The following BCAT2 variants were observed in gnomAD, a reference collection of about 807,000 sequenced individuals.
BCAT2 encodes the protein branched chain amino acid transaminase 2, also known as branched-chain-amino-acid aminotransferase, mitochondrial.
In BCAT2, 44 loss-of-function variants were observed where a neutral mutation model predicts 52.9. That is an observed-to-expected ratio of 0.83 (90% CI 0.65 to 1.07). The LOEUF (loss-of-function observed/expected upper bound fraction) is 1.07. Ranked by LOEUF, BCAT2 falls within the 50% of genes least tolerant of loss-of-function variation. The pLI is 0.00. For missense variants in BCAT2, 478 were observed against 521.8 expected, an observed-to-expected ratio of 0.92 and a Z score of 0.82; for synonymous variants, 215 against 217.1, an observed-to-expected ratio of 0.99 and a Z score of 0.08.
intron 6 of BCAT2, 183 bp from the exon 7 acceptor site, chr19:48,797,516 C>T (rs2034554276): frequency 3.1e-6 from 2 of 655,590 alleles, no homozygotes; most frequent in South Asian, 3.9e-5. Flanking sequence ...ATGGTTATGT[C>T]CCCTCTCTCC....
In BCAT2 at chr19:48,796,634, CAA is replaced by C. The variant is rs774167975; in HGVS notation, c.1007_1008del (p.Phe336TrpfsTer31). Reference sequence around the variant, plus strand: ...CAGACCTGGCAAGCGGTGCCCGAGCCAAAGACTTCCCGCACGCGGCCCTCCTC... The same window carrying C: ...CAGACCTGGCAAGCGGTGCCCGAGCCAGACTTCCCGCACGCGGCCCTCCTC... ...ALEEGRVREVFGSGTACQVCP... is the reference protein window; with the variant it reads ...ALEEGRVREVXGSGTACQVCP... On this transcript the variant is annotated frameshift_variant, in exon 9 of 11. Transcript: ENST00000316273. LOFTEE classifies it high-confidence loss of function. 3 of 1,613,820 alleles carry C rather than the reference CAA, an allele frequency of 1.9e-6. No homozygotes were observed. Among genetic ancestry groups the C allele is most frequent in the Non-Finnish European group, 2.5e-6 (3 of 1,180,030 alleles).
chr19:48,800,280 C>T lies in BCAT2; in HGVS notation c.318G>A (p.Lys106=). The part of the protein sequence containing the change: ...HYSLQLFEGM[K]AFKGKDQQVR... Reference sequence around the variant, plus strand: ...CCTGCTGGTCTTTGCCTTTGAACGCCTTCATGCCCTCAAACAGCTGCGGGG... The same window carrying T: ...CCTGCTGGTCTTTGCCTTTGAACGCTTTCATGCCCTCAAACAGCTGCGGGG... The change falls in exon 4 of 11, where the codon AAG becomes AAA. Residue 106 remains lysine (K), a synonymous_variant. Coordinates refer to ENST00000316273, the MANE Select transcript of BCAT2 (RefSeq NM_001190.4). The T allele has an allele frequency of 6.2e-7, 1 of 1,613,692 alleles. No homozygotes were observed. The highest frequency in any genetic ancestry group is 8.5e-7 in the Non-Finnish European group (1 of 1,180,024).
chr19:48,797,263 A>C lies in BCAT2; in HGVS notation c.766T>G (p.Tyr256Asp). 2 of 1,614,048 alleles carry C rather than the reference A, an allele frequency of 1.2e-6. No homozygotes were observed. Among genetic ancestry groups the C allele is most frequent in the Non-Finnish European group, 1.7e-6 (2 of 1,179,978 alleles). Residue 256 changes from tyrosine (Y) to aspartate (D), a missense_variant, in exon 7 of 11, where the codon TAT (tyrosine) becomes GAT (aspartate). Transcript: ENST00000316273. ...KRGCEQVLWL[Y>D]GPDHQLTEVG... ...TCGGTGAGCTGGTGGTCGGGCCCAT[A>C]CAGCCAGAGGACCTGTTCACAGCCC... is the stretch of plus-strand genomic sequence containing the variant.
intron 3 of BCAT2, among the ~76,000 whole-genome samples, chr19:48,805,251 T>C (rs1008445975): frequency 4.6e-5 from 7 of 152,068 alleles, no homozygotes; most frequent in Admixed American, 1.3e-4. Context: ...AACTTCACAG[T>C]ATCTCAGGCT....
chr19:48,796,386 G>A lies in BCAT2; in HGVS notation c.1140+42C>T, dbSNP rs768790201. ...GCTCATGGGACACCAACTTCTCCAG[G>A]GAACAAGCTCCCAGCCCATTCCCCA... is the stretch of plus-strand genomic sequence containing the variant. On this transcript the variant is annotated intron_variant, in intron 10 of 10. Transcript: ENST00000316273. The A allele has an allele frequency of 7.4e-6, 12 of 1,612,356 alleles. No individual in the cohort carries two copies. The Admixed American group carries it at 1.8e-4, about 25-fold the overall frequency.
chr19:48,802,919 C>G (rs958226041), intron 3 of BCAT2, among the ~76,000 whole-genome samples: 8 of 152,160 alleles, frequency 5.3e-5, no homozygotes, highest in African/African-American at 1.9e-4. Flanking sequence ...TTTCCAGGCC[C>G]AGTATGATGG....
chr19:48,803,333 A>G (rs1376761137), intron 3 of BCAT2, among the ~76,000 whole-genome samples: 1 of 152,126 alleles, frequency 6.6e-6, no homozygotes. Flanking sequence ...ACCCTGGGCA[A>G]CATAACAAGA....
chr19:48,807,903 C>A lies in BCAT2; in HGVS notation c.25-829G>T, dbSNP rs1250330309. On this transcript the variant is annotated intron_variant, in intron 1 of 10. Coordinates refer to ENST00000316273, the MANE Select transcript of BCAT2 (RefSeq NM_001190.4). This position sits in a 1 kb window ranked among gnomAD's most constrained non-coding sequence, Gnocchi z 4.6. ...CCAGAGGGGAGTAGGAAGAGCAGGT[C>A]TGGCTGTGTCCAGCAGGCTGGGCCC... 8 of 985,802 alleles carry A rather than the reference C, an allele frequency of 8.1e-6. No homozygotes were observed. Among genetic ancestry groups the A allele is most frequent in the Non-Finnish European group, 9.6e-6 (8 of 830,206 alleles). 61.1% of individuals were successfully genotyped at this position (985,802 alleles called of 1,614,324 possible). A position where few individuals can be genotyped will look rare whatever the true frequency, so the allele number is the denominator to read the frequency against.
At chr19:48,800,630 GCAAGA>G (rs2122668324) in intron 3 of BCAT2, among the ~76,000 whole-genome samples, 1 of 152,246 alleles carries the variant, frequency 6.6e-6, no homozygotes, top group Non-Finnish European at 1.5e-5. Context: ...AGGCATTATA[GCAAGA>G]CCCCATCTCT....
chr19:48,806,954 AG>A (rs1289811746), intron 2 of BCAT2, 45 bp downstream of exon 2: 3 of 1,596,138 alleles, frequency 1.9e-6, no homozygotes. Flanking sequence ...ACCAGCTGCC[AG>A]CCCCCTCCTC....
In BCAT2 at chr19:48,806,730, A is replaced by G. The variant is rs1257818167; in HGVS notation, c.100-13T>C. On this transcript the variant is annotated splice_polypyrimidine_tract_variant and intron_variant, in intron 2 of 10. Coordinates refer to ENST00000316273, the MANE Select transcript of BCAT2 (RefSeq NM_001190.4). ...GCAGGTCTGCAGCCTGAGGAAAGACAGGGGTATCCTAGAATCTGGCCACAA... is the reference window on the plus strand; with the variant it reads ...GCAGGTCTGCAGCCTGAGGAAAGACGGGGGTATCCTAGAATCTGGCCACAA... 8 of 1,611,318 alleles carry G rather than the reference A, an allele frequency of 5.0e-6. No individual in the cohort carries two copies. The highest frequency in any genetic ancestry group is 1.3e-5 in the African/African-American group (1 of 75,026).
chr19:48,808,275 C>G, intron 1 of BCAT2: 1 of 984,574 alleles, frequency 1.0e-6, no homozygotes, highest in Non-Finnish European at 1.2e-6. Flanking sequence ...ATGAGAGACA[C>G]AAACACAGTG....
Position 48,807,112 on chromosome 19 carries a change from G to A in BCAT2, c.25-38C>T. 1.3e-6 allele frequency: 2 copies of A among 1,563,802 alleles called. No homozygotes were observed. The highest frequency in any genetic ancestry group is 1.8e-6 in the Non-Finnish European group (2 of 1,140,934). On this transcript the variant is annotated intron_variant, in intron 1 of 10. Coordinates refer to ENST00000316273, the MANE Select transcript of BCAT2 (RefSeq NM_001190.4). This position sits in a 1 kb window ranked among gnomAD's most constrained non-coding sequence, Gnocchi z 4.6. ...AGAAGTGAGAGAGGGGGTGAGTGGGGCACAGCAGGGGCCCTGGCAGCTCGC... is the reference window on the plus strand; with the variant it reads ...AGAAGTGAGAGAGGGGGTGAGTGGGACACAGCAGGGGCCCTGGCAGCTCGC...
chr19:48,802,502 C>T (rs572372895), intron 3 of BCAT2, among the ~76,000 whole-genome samples: 82 of 127,284 alleles, frequency 6.4e-4, no homozygotes, highest in Non-Finnish European at 1.0e-3. Flanking sequence ...GGCTGGAGTG[C>T]AGTGGCGCAA....
chr19:48,807,802 C>T lies in BCAT2; in HGVS notation c.25-728G>A, dbSNP rs376111257. 72 of 985,732 alleles carry T rather than the reference C, an allele frequency of 7.3e-5. No individual in the cohort carries two copies. In the South Asian group the frequency reaches 1.8e-3, roughly 25 times the overall value. 61.1% of individuals were successfully genotyped at this position (985,732 alleles called of 1,614,324 possible). On this transcript the variant is annotated intron_variant, in intron 1 of 10. Transcript: ENST00000316273. The surrounding 1 kb of genome is among the most constrained non-coding windows in gnomAD (Gnocchi z 4.6). ...GCAGTGACTCCAATTCCCTTCAGCC[C>T]CTGGGGCTGAGGGGCAGCTACAGGG...
chr19:48,804,742 G>A (rs837642), intron 3 of BCAT2, among the ~76,000 whole-genome samples: 116,049 of 151,756 alleles, frequency 0.76, 44,898 homozygotes, highest in African/African-American at 0.88. Context: ...CTCTCACTCA[G>A]CTGAAGAAAA....
In BCAT2 at chr19:48,807,152, A is replaced by C; in HGVS notation, c.25-78T>G. 8.2e-7 allele frequency: 1 copy of C among 1,224,732 alleles called. No homozygotes were observed. Among genetic ancestry groups the C allele is most frequent in the Non-Finnish European group, 1.2e-6 (1 of 858,362 alleles). 75.9% of individuals were successfully genotyped at this position (1,224,732 alleles called of 1,614,324 possible). ...TGGCAGCTCGCTCGCCACCTCCTGC[A>C]CTTGGAGGTCCCACTGGCCTGCCTG... On this transcript the variant is annotated intron_variant, in intron 1 of 10. Coordinates refer to ENST00000316273, the MANE Select transcript of BCAT2 (RefSeq NM_001190.4). This position sits in a 1 kb window ranked among gnomAD's most constrained non-coding sequence, Gnocchi z 4.6.
intron 3 of BCAT2, among the ~76,000 whole-genome samples, chr19:48,804,570 T>C (rs1333622783): frequency 1.3e-5 from 2 of 151,698 alleles, no homozygotes; most frequent in African/African-American, 4.8e-5. Flanking sequence ...AAAAATAAAA[T>C]AAAAAATAAT....
intron 3 of BCAT2, among the ~76,000 whole-genome samples, 195 bp downstream of exon 3, chr19:48,806,322 G>A (rs1375590782): frequency 6.6e-6 from 1 of 151,640 alleles, no homozygotes; most frequent in East Asian, 2.0e-4. Context: ...GAAGGAACCG[G>A]GTCTGCTCAT....
Sources: allele counts gnomAD v4.1 joint callset (sites outside exome capture counted in the v4.1 genomes callset), GRCh38; gene constraint gnomAD v4.1.1; non-coding constraint Gnocchi (gnomAD v3.1); transcripts MANE v1.5; gene names NCBI Gene and HGNC (gene_info 2026-07-23, HGNC 2026-07-21).